SEMA3A: variants seen among roughly 807,000 people sequenced by gnomAD.
SEMA3A encodes semaphorin 3A.
A neutral mutation model predicts 97.9 loss-of-function variants in SEMA3A; 29 were observed. That is an observed-to-expected ratio of 0.30 (90% CI 0.22 to 0.40). SEMA3A has a LOEUF of 0.40. Among genes scored for constraint, SEMA3A ranks in the 10% least tolerant of loss-of-function variants. The pLI is 1.00. For missense variants in SEMA3A, 763 were observed against 951.3 expected, an observed-to-expected ratio of 0.80 and a Z score of 2.60; for synonymous variants, 321 against 323.7, an observed-to-expected ratio of 0.99 and a Z score of 0.09.
At chr7:84,093,016 C>T (rs1425021136) in intron 4 of SEMA3A, among the ~76,000 whole-genome samples, 2 of 151,988 alleles carry the variant, frequency 1.3e-5, no homozygotes, top group Non-Finnish European at 2.9e-5. Flanking sequence ...TTATTCCTGA[C>T]ATATATTTGA....
chr7:84,376,439 A>T (rs930505308), intron 1 of SEMA3A, among the ~76,000 whole-genome samples: 4 of 137,040 alleles, frequency 2.9e-5, no homozygotes, highest in Admixed American at 7.7e-5. Flanking sequence ...CGTCTCTACT[A>T]AAAAACACAA....
intron 2 of SEMA3A, among the ~76,000 whole-genome samples, chr7:84,340,784 A>G (rs1415978066): frequency 9.8e-6 from 1 of 101,860 alleles, no homozygotes; most frequent in East Asian, 2.7e-4. Flanking sequence ...CCATCTCGGA[A>G]AAAAAAAAAA....
intron 4 of SEMA3A, among the ~76,000 whole-genome samples, chr7:84,100,203 A>G (rs1241721952): frequency 1.3e-5 from 2 of 152,116 alleles, no homozygotes; most frequent in Non-Finnish European, 2.9e-5. Context: ...TCCCTTATTT[A>G]CACTCATCAC....
intron 6 of SEMA3A, among the ~76,000 whole-genome samples, chr7:84,033,985 A>C (rs1285322390): frequency 8.1e-6 from 1 of 123,936 alleles, no homozygotes; most frequent in African/African-American, 2.6e-5. Flanking sequence ...TTTTGTTTTT[A>C]ATTTTTTTTT....
At chr7:84,396,894 G>A (rs1225172367) in intron 1 of SEMA3A, among the ~76,000 whole-genome samples, 1 of 151,888 alleles carries the variant, frequency 6.6e-6, no homozygotes, top group African/African-American at 2.4e-5. Context: ...TTCTTAGCAA[G>A]AAAAATGGTA....
intron 1 of SEMA3A, among the ~76,000 whole-genome samples, chr7:84,186,502 G>T (rs12707627): frequency 6.6e-6 from 1 of 152,060 alleles, no homozygotes; most frequent in African/African-American, 2.4e-5. Context: ...AAGGTTAAAA[G>T]AAAACAAAAT....
At chr7:84,427,700 T>G (rs1804865622) in intron 1 of SEMA3A, among the ~76,000 whole-genome samples, 1 of 140,134 alleles carries the variant, frequency 7.1e-6, no homozygotes, top group South Asian at 2.2e-4. Flanking sequence ...CAATTAATAG[T>G]TTTTTTATGT....
intron 1 of SEMA3A, among the ~76,000 whole-genome samples, chr7:84,140,988 T>C (rs1796276995): frequency 6.6e-6 from 1 of 152,156 alleles, no homozygotes; most frequent in African/African-American, 2.4e-5. Context: ...ATTCAATCTA[T>C]TTTCTTTATT....
At chr7:84,371,094 A>C (rs2116101618) in intron 2 of SEMA3A, among the ~76,000 whole-genome samples, 1 of 151,894 alleles carries the variant, frequency 6.6e-6, no homozygotes, top group Middle Eastern at 3.4e-3. Flanking sequence ...TATAGGTTAG[A>C]AGCACTGGGT....
chr7:84,236,409 C>T (rs1247144927), intron 3 of SEMA3A, among the ~76,000 whole-genome samples: 2 of 152,052 alleles, frequency 1.3e-5, no homozygotes, highest in African/African-American at 2.4e-5. Flanking sequence ...CTAACTCTCC[C>T]TTCAGTTACA....
chr7:84,403,231 G>A (rs989319620), intron 1 of SEMA3A, among the ~76,000 whole-genome samples: 3 of 152,126 alleles, frequency 2.0e-5, no homozygotes, highest in Non-Finnish European at 2.9e-5. Flanking sequence ...CTTAACAAAC[G>A]GCACACCAGG....
At chr7:84,235,929 T>C (rs923409240) in intron 3 of SEMA3A, among the ~76,000 whole-genome samples, 3 of 152,214 alleles carry the variant, frequency 2.0e-5, no homozygotes, top group Non-Finnish European at 2.9e-5. Context: ...TGTATTCCTT[T>C]TCACCCTACA....
chr7:84,213,479 C>T (rs561769097), intron 3 of SEMA3A, among the ~76,000 whole-genome samples: 96 of 152,192 alleles, frequency 6.3e-4, no homozygotes, highest in African/African-American at 2.3e-3. Context: ...TAGATGAGGT[C>T]TCACTTTGCT....
At chr7:84,275,870 T>C (rs56808521) in intron 3 of SEMA3A, among the ~76,000 whole-genome samples, 207 of 152,242 alleles carry the variant, frequency 1.4e-3, no homozygotes, top group African/African-American at 4.8e-3. Context: ...TTTATTTTTA[T>C]GATATATAAA....
At chr7:83,986,128 G>T (rs1001203102) in intron 12 of SEMA3A, among the ~76,000 whole-genome samples, 1 of 152,130 alleles carries the variant, frequency 6.6e-6, no homozygotes, top group African/African-American at 2.4e-5. Flanking sequence ...TGCGAAAATT[G>T]TTCTGTTCAA....
intron 2 of SEMA3A, among the ~76,000 whole-genome samples, chr7:84,351,339 T>C (rs538467197): frequency 3.3e-5 from 5 of 152,260 alleles, no homozygotes; most frequent in Admixed American, 1.3e-4. Context: ...TGAAAAACAT[T>C]GACAACAATT....
intron 2 of SEMA3A, among the ~76,000 whole-genome samples, chr7:84,358,958 G>A (rs1380079137): frequency 6.6e-6 from 1 of 152,144 alleles, no homozygotes; most frequent in Non-Finnish European, 1.5e-5. Flanking sequence ...GTATAAGAAT[G>A]CTTGTGATTT....
At position 84,194,634 on chromosome 7, in the gene SEMA3A, A is replaced by G. The variant is rs751628176; in HGVS notation, c.-48T>C. 6.7e-6 allele frequency: 8 copies of G among 1,196,814 alleles called. No homozygotes were observed. The highest frequency in any genetic ancestry group is 8.7e-6 in the Non-Finnish European group (7 of 805,238). The allele number at this position is 1,196,814 out of a possible 1,614,324, so 74.1% of individuals were successfully genotyped here. A position where few individuals can be genotyped will look rare whatever the true frequency, so the allele number is the denominator to read the frequency against. ...TTGCTGCTTTAGTCTTCCTTCCTGT[A>G]TTGTGCGGCCAGAGAAGTTCAAACA... On this transcript the variant is annotated 5_prime_UTR_variant, in exon 1 of 17. Transcript: ENST00000265362.
At chr7:84,098,142 T>C (rs1794834147) in intron 4 of SEMA3A, among the ~76,000 whole-genome samples, 1 of 152,212 alleles carries the variant, frequency 6.6e-6, no homozygotes, top group South Asian at 2.1e-4. Flanking sequence ...AATTGGTTGA[T>C]AATATACTGG....
Sources: gnomAD v4.1 joint callset for allele counts (sites outside exome capture counted in the v4.1 genomes callset) on GRCh38, gnomAD v4.1.1 for gene constraint, MANE v1.5 for transcripts, NCBI Gene and HGNC (gene_info 2026-07-23, HGNC 2026-07-21) for gene names.